The following FRAS1 variants were observed in gnomAD, a reference collection of about 807,000 sequenced individuals.
FRAS1 encodes Fraser extracellular matrix complex subunit 1.
In FRAS1, 290 loss-of-function variants were observed where a neutral mutation model predicts 435.2. The observed-to-expected ratio is 0.67, with a 90% CI of 0.61 to 0.73. FRAS1 has a LOEUF of 0.73. Ranked by LOEUF, FRAS1 falls within the 30% of genes least tolerant of loss-of-function variation. The pLI is 0.00. For missense variants in FRAS1, 4,860 were observed against 5,001.5 expected (o/e 0.97, Z 0.85); for synonymous variants, 1,800 against 1,851.0 (o/e 0.97, Z 0.71).
intron 19 of FRAS1, among the ~76,000 whole-genome samples, 160 bp downstream of exon 19, chr4:78,333,572 C>A (rs1428518453): frequency 3.3e-5 from 5 of 152,132 alleles, no homozygotes; most frequent in Non-Finnish European, 7.4e-5. Context: ...GGGAGGGGAA[C>A]AAGTGAAATT....
chr4:78,236,879 A>G (rs1244188191), intron 2 of FRAS1, among the ~76,000 whole-genome samples: 2 of 152,180 alleles, frequency 1.3e-5, no homozygotes, highest in Non-Finnish European at 2.9e-5. Flanking sequence ...ATGACCCCAA[A>G]TAATTTGTGA....
In FRAS1 at chr4:78,211,733, A is replaced by G. The variant is rs553256967; in HGVS notation, c.109-25777A>G. Among the ~76,000 whole-genome samples, 4 of 152,328 alleles carry G rather than the reference A, an allele frequency of 2.6e-5. No individual in the cohort carries two copies. In the East Asian group the frequency reaches 5.8e-4, roughly 22 times the overall value. ...GTACAGCATAAAATTTGCCATTTTAACTGTGTAATTCAGTGGCATTAATCA... is the reference window on the plus strand; with the variant it reads ...GTACAGCATAAAATTTGCCATTTTAGCTGTGTAATTCAGTGGCATTAATCA... On this transcript the variant is annotated intron_variant, in intron 2 of 73. Transcript: ENST00000512123.
At chr4:78,366,977 C>A (rs1291786733) in intron 22 of FRAS1, among the ~76,000 whole-genome samples, 1 of 152,206 alleles carries the variant, frequency 6.6e-6, no homozygotes, top group Non-Finnish European at 1.5e-5. Context: ...CTCAGTGTGA[C>A]ACTACTGTGT....
chr4:78,126,993 C>G (rs1005657366), intron 2 of FRAS1, among the ~76,000 whole-genome samples: 4 of 152,176 alleles, frequency 2.6e-5, no homozygotes, highest in Non-Finnish European at 4.4e-5. Context: ...TATTAAGCCT[C>G]TAGTATGTGC....
intron 70 of FRAS1, among the ~76,000 whole-genome samples, chr4:78,527,066 AAT>A (rs924571452): frequency 6.6e-6 from 1 of 152,210 alleles, no homozygotes; most frequent in Non-Finnish European, 1.5e-5. Context: ...ATGAATCAAC[AAT>A]ATGTATTAAA....
intron 30 of FRAS1, among the ~76,000 whole-genome samples, chr4:78,405,610 A>C (rs1331078281): frequency 6.6e-6 from 1 of 152,228 alleles, no homozygotes; most frequent in African/African-American, 2.4e-5. Flanking sequence ...TTGAGTAAGA[A>C]AACTAATTTC....
intron 18 of FRAS1, chr4:78,319,255 T>G (rs1729402805): frequency 7.7e-6 from 4 of 519,014 alleles, no homozygotes; most frequent in Non-Finnish European, 1.4e-5. Flanking sequence ...CAGAAATTCT[T>G]TCAGGGACCA....
At chr4:78,073,143 T>G (rs1454649184) in intron 2 of FRAS1, among the ~76,000 whole-genome samples, 1 of 152,194 alleles carries the variant, frequency 6.6e-6, no homozygotes, top group Non-Finnish European at 1.5e-5. Context: ...CTCTGAGAAT[T>G]TTTTTGTCCT....
chr4:78,307,300 G>C (rs1162460719), intron 14 of FRAS1, among the ~76,000 whole-genome samples: 1 of 152,224 alleles, frequency 6.6e-6, no homozygotes, highest in Non-Finnish European at 1.5e-5. Flanking sequence ...AGTCTGCAGA[G>C]GTTATTGCTG....
rs1051193331 is a variant in FRAS1 at position 78,384,344 on chromosome 4, A to G, written c.3648+201A>G. On this transcript the variant is annotated intron_variant, in intron 28 of 73. Coordinates refer to ENST00000512123, the MANE Select transcript of FRAS1 (RefSeq NM_025074.7). ...CAACCAAAATTACTAATACTTCTCT[A>G]GTACTTAGTGTTATAGTCTTAGTGT... is the stretch of plus-strand genomic sequence containing the variant. 2.0e-5 allele frequency among the ~76,000 whole-genome samples: 3 copies of G among 152,206 alleles called. No homozygotes were observed. The South Asian group carries it at 6.2e-4, about 32-fold the overall frequency.
chr4:78,539,197 GGAGTGATGAGTACT>G, intron 72 of FRAS1, 83 bp from the exon 73 acceptor site: 1 of 1,194,456 alleles, frequency 8.4e-7, no homozygotes, highest in Admixed American at 2.2e-5. Context: ...CCTAAAGCCA[GGAGTGATGAGTACT>G]TTTCTCCTCC....
rs1411405167 is a variant in FRAS1, at chr4:78,448,042, T to A, written c.6011-11T>A. On this transcript the variant is annotated splice_polypyrimidine_tract_variant and intron_variant, in intron 43 of 73. Transcript: ENST00000512123. ...TACCATTGTTTTGCTTTTCTTTACCTCTTCCCTCAGGTCATGTACTCTGGA... is the reference window on the plus strand; with the variant it reads ...TACCATTGTTTTGCTTTTCTTTACCACTTCCCTCAGGTCATGTACTCTGGA... The A allele has an allele frequency of 7.6e-6, 12 of 1,584,748 alleles. No individual in the cohort carries two copies. Among genetic ancestry groups the A allele is most frequent in the Non-Finnish European group, 1.0e-5 (12 of 1,164,080 alleles).
chr4:78,489,403 A>G (rs1302733519), intron 59 of FRAS1, among the ~76,000 whole-genome samples: 1 of 152,186 alleles, frequency 6.6e-6, no homozygotes, highest in Non-Finnish European at 1.5e-5. Flanking sequence ...TAGAGAAAAA[A>G]TGTTATTAAG....
intron 2 of FRAS1, among the ~76,000 whole-genome samples, chr4:78,203,632 T>G (rs558671534): frequency 6.6e-6 from 1 of 152,298 alleles, no homozygotes; most frequent in East Asian, 1.9e-4. Context: ...AATGGTGTGA[T>G]CTCAGCTCAC....
In FRAS1 at chr4:78,445,569, C is replaced by G. The variant is rs1718790803; in HGVS notation, c.5713C>G (p.Pro1905Ala). 5 of 1,610,938 alleles carry G rather than the reference C, an allele frequency of 3.1e-6. No homozygotes were observed. Among genetic ancestry groups the G allele is most frequent in the African/African-American group, 1.3e-5 (1 of 74,960 alleles). Residue 1905 changes from proline to alanine, a missense_variant, in exon 42 of 74, where the codon CCT becomes GCT. Pro to Ala is a conservative substitution (Grantham distance 27, BLOSUM62 -1). Coordinates refer to ENST00000512123, the MANE Select transcript of FRAS1 (RefSeq NM_025074.7). ...TGCCAGTGACCTAGAGGCATCATTT[C>G]CTATTCAAGACGTCCTGGAAAACTA... ...ETASDLEASF[P>A]IQDVLENYIY...
chr4:78,114,004 T>C (rs1346738071), intron 2 of FRAS1, among the ~76,000 whole-genome samples: 1 of 152,210 alleles, frequency 6.6e-6, no homozygotes, highest in Non-Finnish European at 1.5e-5. Context: ...TTAATTTTTG[T>C]ATAAGGTGTA....
intron 49 of FRAS1, among the ~76,000 whole-genome samples, chr4:78,465,154 G>C (rs1189850650): frequency 6.6e-6 from 1 of 152,164 alleles, no homozygotes; most frequent in Non-Finnish European, 1.5e-5. Context: ...TTATTAATTA[G>C]TTCTATGTAT....
Position 78,337,767 on chromosome 4 carries a change from G to T in FRAS1, c.2372G>T (p.Arg791Met). Reference protein sequence around the residue: ...PHISLTNGNCRTSCREEQFLN... With the variant: ...PHISLTNGNCMTSCREEQFLN... ...ATCTCTCTTACCAATGGTAACTGCA[G>T]GACCAGCTGCAGGGAAGAGCAGTTC... is the stretch of plus-strand genomic sequence containing the variant. Residue 791 changes from arginine to methionine, a missense_variant, in exon 20 of 74, where the codon AGG becomes ATG. By Grantham distance (91) the Arg-to-Met change is moderately conservative. Transcript: ENST00000512123. 1 of 1,613,886 alleles carries T rather than the reference G, an allele frequency of 6.2e-7. No individual in the cohort carries two copies. Among genetic ancestry groups the T allele is most frequent in the African/African-American group, 1.3e-5 (1 of 75,014 alleles).
intron 19 of FRAS1, among the ~76,000 whole-genome samples, chr4:78,336,558 C>T (rs1285436855): frequency 6.6e-6 from 1 of 152,046 alleles, no homozygotes; most frequent in Non-Finnish European, 1.5e-5. Context: ...TGGATAGGTG[C>T]TTTCAACATT....
Sources: allele counts gnomAD v4.1 joint callset (sites outside exome capture counted in the v4.1 genomes callset), GRCh38; gene constraint gnomAD v4.1.1; transcripts MANE v1.5; gene names NCBI Gene and HGNC (gene_info 2026-07-23, HGNC 2026-07-21).